Variants in PHF14 observed in about 807,000 individuals in gnomAD.
The protein encoded by PHF14 is PHD finger protein 14.
In PHF14, 55 loss-of-function variants were observed where a neutral mutation model predicts 117.9. The observed-to-expected ratio is 0.47, with a 90% CI of 0.38 to 0.58. The LOEUF (loss-of-function observed/expected upper bound fraction) is 0.58. PHF14 is among the 20% of genes least tolerant of loss of function. The pLI is 0.00. For missense variants in PHF14, 978 were observed against 1,122.2 expected (o/e 0.87, Z 1.84); for synonymous variants, 409 against 368.6 (o/e 1.11, Z -1.26).
At chr7:11,029,755 G>T (rs1318683342) in intron 7 of PHF14, among the ~76,000 whole-genome samples, 1 of 152,066 alleles carries the variant, frequency 6.6e-6, no homozygotes, top group Non-Finnish European at 1.5e-5. Flanking sequence ...AGCAGGTTCA[G>T]TTCATTCCTT....
intron 4 of PHF14, among the ~76,000 whole-genome samples, chr7:10,992,607 G>A (rs542786915): frequency 1.3e-5 from 2 of 152,150 alleles, no homozygotes; most frequent in African/African-American, 4.8e-5. Flanking sequence ...AGGTTGCAGT[G>A]AGCCGAGATG....
intron 17 of PHF14, among the ~76,000 whole-genome samples, chr7:11,134,827 C>G (rs973779678): frequency 6.6e-6 from 1 of 152,040 alleles, no homozygotes; most frequent in African/African-American, 2.4e-5. Flanking sequence ...TGAGTAAACT[C>G]AAACTATAGA....
intron 13 of PHF14, among the ~76,000 whole-genome samples, chr7:11,048,059 A>T (rs1291654509): frequency 6.6e-6 from 1 of 152,022 alleles, no homozygotes; most frequent in Non-Finnish European, 1.5e-5. Flanking sequence ...TTAAATTTTT[A>T]ATTGGCTTGG....
At chr7:11,026,113 A>G (rs1272597976) in intron 6 of PHF14, among the ~76,000 whole-genome samples, 1 of 150,300 alleles carries the variant, frequency 6.7e-6, no homozygotes, top group African/African-American at 2.4e-5. Context: ...CTCCATCAAA[A>G]AAAAAAAAAA....
intron 17 of PHF14, among the ~76,000 whole-genome samples, chr7:11,121,130 C>T (rs1583481638): frequency 6.6e-6 from 1 of 152,098 alleles, no homozygotes; most frequent in East Asian, 1.9e-4. Flanking sequence ...TTCATCATCC[C>T]TAAAGAATGA....
chr7:11,053,404 CTT>C (rs143275095), intron 14 of PHF14, among the ~76,000 whole-genome samples: 1 of 151,838 alleles, frequency 6.6e-6, no homozygotes, highest in Admixed American at 6.6e-5. Context: ...GTTTATAACT[CTT>C]TTTTTAGGCT....
chr7:11,095,844 AT>A (rs574906023), intron 16 of PHF14, among the ~76,000 whole-genome samples: 36 of 148,106 alleles, frequency 2.4e-4, no homozygotes, highest in Non-Finnish European at 2.3e-4. Flanking sequence ...GATTCTGTAG[AT>A]TTTTTTTTTT....
At chr7:11,021,763 A>C (rs1783744678) in intron 5 of PHF14, among the ~76,000 whole-genome samples, 1 of 152,166 alleles carries the variant, frequency 6.6e-6, no homozygotes, top group African/African-American at 2.4e-5. Context: ...CTATCAAGAA[A>C]ATCTCAAAAC....
At chr7:11,001,976 A>G (rs879563244) in intron 4 of PHF14, among the ~76,000 whole-genome samples, 9 of 151,916 alleles carry the variant, frequency 5.9e-5, no homozygotes, top group Non-Finnish European at 1.0e-4. Flanking sequence ...GATGTTAGCT[A>G]TAGGTTTTTT....
chr7:11,032,783 A>G (rs1784165140), intron 7 of PHF14, among the ~76,000 whole-genome samples: 1 of 152,188 alleles, frequency 6.6e-6, no homozygotes. Flanking sequence ...CTGCTTCTCA[A>G]GGCATTTGTA....
intron 10 of PHF14, among the ~76,000 whole-genome samples, chr7:11,037,515 C>T (rs1467201635): frequency 3.3e-5 from 5 of 152,068 alleles, no homozygotes; most frequent in African/African-American, 7.2e-5. Context: ...TGCTATAGAG[C>T]TTCACTTTCT....
chr7:11,005,914 T>G (rs938893958), intron 4 of PHF14, among the ~76,000 whole-genome samples: 7 of 147,578 alleles, frequency 4.7e-5, no homozygotes, highest in African/African-American at 1.8e-4. Context: ...CGCCTCAGCC[T>G]CCTGAGTAGC....
chr7:11,072,018 C>G (rs775303328), intron 16 of PHF14, among the ~76,000 whole-genome samples: 4 of 152,128 alleles, frequency 2.6e-5, no homozygotes, highest in Non-Finnish European at 4.4e-5. Flanking sequence ...GGATTTATAA[C>G]CATTCTGCTG....
chr7:11,148,130 G>A (rs552914241), intron 17 of PHF14, among the ~76,000 whole-genome samples: 1 of 152,228 alleles, frequency 6.6e-6, no homozygotes, highest in South Asian at 2.1e-4. Flanking sequence ...TGATCTGTTT[G>A]CAGTAGACTG....
At position 10,974,287 on chromosome 7, in the gene PHF14, C is replaced by G; in HGVS notation, c.-37C>G. The stretch of plus-strand genomic sequence containing the variant: ...CTGCCTGGGCTCCTGCAGCCTCTCC[C>G]TAAGTCTTCTCCAAACGACCACCTC... On this transcript the variant is annotated 5_prime_UTR_variant, in exon 1 of 18. Transcript: ENST00000634607. 6.3e-7 allele frequency: 1 copy of G among 1,578,360 alleles called. No individual in the cohort carries two copies. Among genetic ancestry groups the G allele is most frequent in the Non-Finnish European group, 8.6e-7 (1 of 1,160,180 alleles).
intron 3 of PHF14, among the ~76,000 whole-genome samples, chr7:10,987,096 T>C (rs1201932338): frequency 2.0e-5 from 3 of 152,172 alleles, no homozygotes; most frequent in Non-Finnish European, 4.4e-5. Flanking sequence ...TTTATAAATA[T>C]CCACTTCTAT....
At chr7:11,028,530 G>T in intron 6 of PHF14, 151 bp from the exon 7 acceptor site, 1 of 660,312 alleles carries the variant, frequency 1.5e-6, no homozygotes, top group Non-Finnish European at 2.5e-6. Flanking sequence ...TAAACTCTTG[G>T]CTCGCCTATG....
chr7:11,164,350 T>A (rs578074376), intron 17 of PHF14, among the ~76,000 whole-genome samples: 1 of 152,324 alleles, frequency 6.6e-6, no homozygotes, highest in East Asian at 1.9e-4. Flanking sequence ...GAAGGAAATC[T>A]ATGCTCACAG....
intron 4 of PHF14, among the ~76,000 whole-genome samples, chr7:11,000,749 T>G (rs1782840982): frequency 6.6e-6 from 1 of 152,162 alleles, no homozygotes; most frequent in African/African-American, 2.4e-5. Flanking sequence ...TCCTTGTATA[T>G]TTTGGATATC....
Sources: allele counts gnomAD v4.1 joint callset (sites outside exome capture counted in the v4.1 genomes callset), GRCh38; gene constraint gnomAD v4.1.1; transcripts MANE v1.5; gene names NCBI Gene and HGNC (gene_info 2026-07-23, HGNC 2026-07-21).